LAD1: variants seen among roughly 807,000 people sequenced by gnomAD.
LAD1 encodes the protein ladinin-1.
LAD1 carries 53 observed loss-of-function variants against 54.2 expected under a neutral mutation model. That is an observed-to-expected ratio of 0.98 (90% confidence interval 0.78 to 1.23). LAD1 has a LOEUF of 1.23. Among genes scored for constraint, LAD1 ranks in the 50% most tolerant of loss-of-function variants. The probability of loss-of-function intolerance (pLI) is 0.00; values close to 1 mark genes in which losing one functional copy is unlikely to be tolerated. For missense variants in LAD1, 637 were observed against 653.3 expected, an observed-to-expected ratio of 0.98 and a Z score of 0.27; for synonymous variants, 231 against 257.7, an observed-to-expected ratio of 0.90 and a Z score of 0.99.
intron 8 of LAD1, 56 bp from the exon 9 acceptor site, chr1:201,382,382 C>T (rs371866347): frequency 1.1e-5 from 15 of 1,367,162 alleles, no homozygotes; most frequent in African/African-American, 1.4e-5. Context: ...CCAAAGGGCT[C>T]GGGATACCCC....
At chr1:201,384,358 C>G (rs554321161) in intron 5 of LAD1, among the ~76,000 whole-genome samples, 1 of 152,234 alleles carries the variant, frequency 6.6e-6, no homozygotes, top group East Asian at 1.9e-4. Context: ...AAAGCATAGT[C>G]CTCAGGCTTC....
chr1:201,396,789 TG>T (rs1413513654), intron 1 of LAD1, among the ~76,000 whole-genome samples: 5 of 152,070 alleles, frequency 3.3e-5, no homozygotes, highest in Admixed American at 2.6e-4. Flanking sequence ...ATGGTCACTG[TG>T]GGGGGTAACT....
intron 5 of LAD1, 88 bp from the exon 6 acceptor site, chr1:201,383,477 A>C (rs1662010852): frequency 1.7e-6 from 2 of 1,207,028 alleles, no homozygotes; most frequent in Admixed American, 3.4e-5. Context: ...CAGCCCCATC[A>C]CACGTTCTCA....
chr1:201,388,180 C>T (rs1271576633), intron 2 of LAD1, among the ~76,000 whole-genome samples: 2 of 152,178 alleles, frequency 1.3e-5, no homozygotes, highest in Non-Finnish European at 2.9e-5. Context: ...CACCTGAGGT[C>T]AGGAGTTCAA....
chr1:201,393,851 CTTTTTT>C (rs35169716), intron 1 of LAD1, among the ~76,000 whole-genome samples: 2 of 112,258 alleles, frequency 1.8e-5, no homozygotes, highest in African/African-American at 7.1e-5. Flanking sequence ...TTAAGTTTTG[CTTTTTT>C]TTTTTTTTTT....
Position 201,384,812 on chromosome 1 carries a change from C to T in LAD1, c.1155G>A (p.Ser385=), listed in dbSNP as rs753105924. The stretch of plus-strand genomic sequence containing the variant: ...CCCACCTGCGAGTTAGGGTTGTTTC[C>T]GAGTTTTCTTTCTTGGGTTTCATCT... ...SFRMKPKKEN[S]ETTLTRSASM... The change falls in exon 5 of 10, where the codon TCG becomes TCA. Residue 385 remains serine, a synonymous_variant. Coordinates refer to ENST00000391967, the MANE Select transcript of LAD1 (RefSeq NM_005558.4). 39 of 1,613,918 alleles carry T rather than the reference C, an allele frequency of 2.4e-5. No individual in the cohort carries two copies. Among genetic ancestry groups the T allele is most frequent in the South Asian group, 1.4e-4 (13 of 91,078 alleles).
chr1:201,387,229 C>A, intron 2 of LAD1, 51 bp from the exon 3 acceptor site: 1 of 1,455,476 alleles, frequency 6.9e-7, no homozygotes, highest in South Asian at 1.6e-5. Flanking sequence ...GGAAGATACC[C>A]TAAGTATACC....
At chr1:201,394,341 G>C (rs1662250172) in intron 1 of LAD1, among the ~76,000 whole-genome samples, 1 of 152,218 alleles carries the variant, frequency 6.6e-6, no homozygotes, top group African/African-American at 2.4e-5. Context: ...ACCCCAAGGG[G>C]AAAGGAAGTG....
At chr1:201,395,939 G>A (rs1481863524) in intron 1 of LAD1, among the ~76,000 whole-genome samples, 3 of 152,186 alleles carry the variant, frequency 2.0e-5, no homozygotes, top group Non-Finnish European at 2.9e-5. Context: ...AACCCAGAGG[G>A]AGCTCAACAG....
chr1:201,392,270 C>G (rs971563313), intron 1 of LAD1, among the ~76,000 whole-genome samples: 1 of 152,236 alleles, frequency 6.6e-6, no homozygotes, highest in Admixed American at 6.5e-5. Flanking sequence ...TTTTGAGGAC[C>G]TACTATGTAC....
In LAD1 at chr1:201,385,797, G is replaced by A; in HGVS notation, c.1035C>T (p.Ile345=). 2 of 1,613,394 alleles carry A rather than the reference G, an allele frequency of 1.2e-6. No individual in the cohort carries two copies. Among genetic ancestry groups the A allele is most frequent in the Non-Finnish European group, 1.7e-6 (2 of 1,179,326 alleles). The change falls in exon 4 of 10, where the codon ATC becomes ATT. Residue 345 remains isoleucine, a synonymous_variant. Coordinates refer to ENST00000391967, the MANE Select transcript of LAD1 (RefSeq NM_005558.4). ...TATCTGCCTCTTCCTCCTTGCTGGG[G>A]ATTTTCACCTGGATGGAGCAGGGGG... The part of the protein sequence containing the change: ...RLPPVTLQVK[I]PSKEEEADMS...
At chr1:201,383,535 A>C in intron 5 of LAD1, 146 bp from the exon 6 acceptor site, 1 of 773,802 alleles carries the variant, frequency 1.3e-6, no homozygotes, top group Non-Finnish European at 2.3e-6. Context: ...GGCTGTGTTG[A>C]CTTGGCCAAC....
At chr1:201,392,207 T>C (rs1245057597) in intron 1 of LAD1, among the ~76,000 whole-genome samples, 1 of 152,242 alleles carries the variant, frequency 6.6e-6, no homozygotes, top group Non-Finnish European at 1.5e-5. Context: ...CGCTCCGATT[T>C]TTTTCTAGGT....
intron 3 of LAD1, 76 bp downstream of exon 3, chr1:201,386,259 C>A: frequency 7.5e-7 from 1 of 1,337,398 alleles, no homozygotes; most frequent in South Asian, 2.2e-5. Context: ...GAACCAGGGA[C>A]TACCTGGGTG....
intron 3 of LAD1, 116 bp downstream of exon 3, chr1:201,386,219 C>G: frequency 9.3e-7 from 1 of 1,069,578 alleles, no homozygotes; most frequent in Non-Finnish European, 1.3e-6. Flanking sequence ...CCAAGGCCAG[C>G]CTGCAGGTAG....
At chr1:201,383,615 T>G (rs1213351285) in intron 5 of LAD1, 3 of 582,052 alleles carry the variant, frequency 5.2e-6, no homozygotes, top group Non-Finnish European at 6.2e-6. Context: ...AGGACATCCC[T>G]TCTCCCCCAT....
Position 201,381,556 on chromosome 1 carries a change from A to T in LAD1, c.*332T>A. 4.9e-6 allele frequency: 2 copies of T among 405,736 alleles called. No individual in the cohort carries two copies. The highest frequency in any genetic ancestry group is 9.1e-6 in the Non-Finnish European group (2 of 220,450). 25.1% of individuals were successfully genotyped at this position (405,736 alleles called of 1,614,324 possible). ...GAGGGGCGCCGTGCCCTGACTGTGG[A>T]TGTGAGCAGGAAGGAGCAGAGGTCT... On this transcript the variant is annotated 3_prime_UTR_variant, in exon 10 of 10. Coordinates refer to ENST00000391967, the MANE Select transcript of LAD1 (RefSeq NM_005558.4).
Position 201,386,909 on chromosome 1 carries a change from C to T in LAD1, c.452G>A (p.Arg151Gln), listed in dbSNP as rs753701597. The change falls in exon 3 of 10, where the codon CGG becomes CAG. Residue 151 changes from arginine (R) to glutamine (Q), a missense_variant. Arg to Gln is a conservative substitution (Grantham distance 43, BLOSUM62 1). Coordinates refer to ENST00000391967, the MANE Select transcript of LAD1 (RefSeq NM_005558.4). ...PPRRRLSREQ[R>Q]GPWALEEESL... ...CTCCTCCTCCAGGGCCCAGGGGCCC[C>T]GCTGTTCCCGACTCAGTCTCCGGCG... 2.9e-5 allele frequency: 47 copies of T among 1,613,686 alleles called. No homozygotes were observed. The Middle Eastern group carries it at 2.6e-3, about 90-fold the overall frequency.
chr1:201,385,870 A>C (rs1571720345), intron 3 of LAD1, 65 bp from the exon 4 acceptor site: 1 of 1,157,160 alleles, frequency 8.6e-7, no homozygotes, highest in Admixed American at 1.7e-5. Context: ...GCAGCCATAA[A>C]CCCCATGGCT....
Sources: allele counts gnomAD v4.1 joint callset (sites outside exome capture counted in the v4.1 genomes callset), GRCh38; gene constraint gnomAD v4.1.1; transcripts MANE v1.5; gene names NCBI Gene and HGNC (gene_info 2026-07-23, HGNC 2026-07-21).